The following IL7 variants were observed in gnomAD, a reference collection of about 807,000 sequenced individuals.
The protein encoded by IL7 is interleukin 7, also known as interleukin-7.
IL7 carries 3 observed loss-of-function variants against 21.6 expected under a neutral mutation model. That is an observed-to-expected ratio of 0.14 (90% confidence interval 0.06 to 0.36). IL7 has a LOEUF of 0.36. IL7 is among the 10% of genes least tolerant of loss of function. IL7 has a pLI of 1.00. For synonymous variants in IL7, 62 were observed against 68.1 expected (o/e 0.91, Z 0.44); for missense variants, 175 against 200.2 (o/e 0.87, Z 0.76).
chr8:78,785,572 G>A (rs963538403), intron 2 of IL7, among the ~76,000 whole-genome samples: 1 of 152,054 alleles, frequency 6.6e-6, no homozygotes. Context: ...TTGATATTCT[G>A]TTGTAAAATT....
At chr8:78,763,377 G>A (rs1043668682) in intron 2 of IL7, among the ~76,000 whole-genome samples, 7 of 152,176 alleles carry the variant, frequency 4.6e-5, no homozygotes, top group Admixed American at 2.6e-4. Context: ...GGAGAAATTA[G>A]TAATATTTTA....
chr8:78,766,842 G>C (rs1812769700), intron 2 of IL7, among the ~76,000 whole-genome samples: 1 of 152,064 alleles, frequency 6.6e-6, no homozygotes. Context: ...TCCCAAAAGT[G>C]AGATTTGCTG....
chr8:78,795,408 A>T (rs903390702), intron 2 of IL7, among the ~76,000 whole-genome samples: 2 of 152,094 alleles, frequency 1.3e-5, no homozygotes, highest in African/African-American at 2.4e-5. Context: ...TGGACTGATT[A>T]GCTGTGTTCT....
At chr8:78,716,091 T>C (rs139210048), downstream of IL7, among the ~76,000 whole-genome samples, 237 of 151,342 alleles carry the variant, frequency 1.6e-3, no homozygotes, top group African/African-American at 5.3e-3. Flanking sequence ...AGCATCTATT[T>C]TACCTTTATT....
At chr8:78,678,760 T>C in intron 4 of IL7, 1 of 913,366 alleles carries the variant, frequency 1.1e-6, no homozygotes, top group Non-Finnish European at 1.6e-6. Context: ...TACAGTAAGG[T>C]TAAGAATAAA....
chr8:78,772,437 TA>T (rs1225676644), intron 2 of IL7, among the ~76,000 whole-genome samples: 2 of 152,140 alleles, frequency 1.3e-5, no homozygotes, highest in African/African-American at 4.8e-5. Flanking sequence ...ATGCATAAAA[TA>T]TAGAATGATA....
intron 2 of IL7, among the ~76,000 whole-genome samples, chr8:78,757,125 C>G (rs2130750631): frequency 6.6e-6 from 1 of 151,340 alleles, no homozygotes; most frequent in South Asian, 2.1e-4. Context: ...TCATTTTGAT[C>G]TTCATTTTTT....
intron 3 of IL7, among the ~76,000 whole-genome samples, chr8:78,686,242 A>G (rs1336287693): frequency 6.6e-6 from 1 of 152,220 alleles, no homozygotes; most frequent in Non-Finnish European, 1.5e-5. Context: ...AAGGCAGTTT[A>G]GTAGTGTCTT....
At chr8:78,795,846 T>C (rs1813834929) in intron 2 of IL7, among the ~76,000 whole-genome samples, 1 of 152,064 alleles carries the variant, frequency 6.6e-6, no homozygotes. Flanking sequence ...CAGGAACCTC[T>C]GGATTACAAT....
At chr8:78,696,630 A>G (rs112903878) in intron 3 of IL7, among the ~76,000 whole-genome samples, 129 of 152,314 alleles carry the variant, frequency 8.5e-4, no homozygotes, top group Middle Eastern at 6.8e-3. Flanking sequence ...GAGAAATATA[A>G]AAATCCAAGA....
chr8:78,771,792 C>T (rs1812965450), intron 2 of IL7, among the ~76,000 whole-genome samples: 1 of 152,038 alleles, frequency 6.6e-6, no homozygotes, highest in Non-Finnish European at 1.5e-5. Flanking sequence ...TACCCTGTGC[C>T]AGGCCGCTCT....
chr8:78,793,949 A>T (rs1355994970), intron 2 of IL7, among the ~76,000 whole-genome samples: 1 of 152,174 alleles, frequency 6.6e-6, no homozygotes, highest in Non-Finnish European at 1.5e-5. Context: ...CCTGAGAAGC[A>T]ACTCATCATC....
chr8:78,722,067 T>C (rs1211995246), intron 3 of IL7, among the ~76,000 whole-genome samples: 2 of 152,002 alleles, frequency 1.3e-5, no homozygotes, highest in African/African-American at 2.4e-5. Context: ...CTCAATATTA[T>C]GCTTATTTCT....
At chr8:78,706,626 G>A (rs1433226298) in intron 3 of IL7, among the ~76,000 whole-genome samples, 3 of 152,072 alleles carry the variant, frequency 2.0e-5, no homozygotes, top group Admixed American at 2.0e-4. Context: ...TTCTCTGTGG[G>A]TCAAGTTGTT....
At chr8:78,720,699 G>A (rs531795771) in intron 5 of IL7, among the ~76,000 whole-genome samples, 2 of 151,886 alleles carry the variant, frequency 1.3e-5, no homozygotes, top group East Asian at 3.9e-4. Flanking sequence ...TGGGGCACCA[G>A]GATTGCAGTA....
chr8:78,677,516 A>G (rs1440923318), intron 4 of IL7, among the ~76,000 whole-genome samples: 1 of 152,178 alleles, frequency 6.6e-6, no homozygotes, highest in African/African-American at 2.4e-5. Flanking sequence ...TTAACTTTAT[A>G]TTAGCATATT....
At chr8:78,684,450 G>A (rs372905667) in intron 4 of IL7, among the ~76,000 whole-genome samples, 12 of 152,158 alleles carry the variant, frequency 7.9e-5, no homozygotes, top group Admixed American at 2.6e-4. Context: ...ACCTGCCCCC[G>A]TGATTCAATT....
At chr8:78,761,184 T>A in intron 2 of IL7, 1 of 1,593,230 alleles carries the variant, frequency 6.3e-7, no homozygotes, top group South Asian at 1.2e-5. Flanking sequence ...TCTTTACCCC[T>A]TTCTTTACTG....
At chr8:78,773,808 A>G (rs566437838) in intron 2 of IL7, among the ~76,000 whole-genome samples, 7 of 152,212 alleles carry the variant, frequency 4.6e-5, no homozygotes, top group Middle Eastern at 3.4e-3. Context: ...GGAGAAGCCA[A>G]TTAGGTAGAG....
Sources: allele counts gnomAD v4.1 joint callset (sites outside exome capture counted in the v4.1 genomes callset), GRCh38; gene constraint gnomAD v4.1.1; transcripts MANE v1.5; gene names NCBI Gene and HGNC (gene_info 2026-07-23, HGNC 2026-07-21).